The following FBN1 variants were observed in gnomAD, a reference collection of about 807,000 sequenced individuals.
The protein encoded by FBN1 is fibrillin-1.
Under a neutral mutation model 365.1 loss-of-function variants are expected in FBN1, and 29 were observed. That is an observed-to-expected ratio of 0.08 (90% CI 0.06 to 0.11). FBN1 has a LOEUF of 0.11. Ranked by LOEUF, FBN1 falls within the 10% of genes least tolerant of loss-of-function variation. FBN1 has a pLI of 1.00. For synonymous variants in FBN1, 1,210 were observed against 1,270.5 expected (o/e 0.95, Z 1.01); for missense variants, 2,476 against 3,703.2 (o/e 0.67, Z 8.60).
At chr15:48,439,209 T>C (rs2043094669) in intron 50 of FBN1, among the ~76,000 whole-genome samples, 1 of 152,210 alleles carries the variant, frequency 6.6e-6, no homozygotes, top group African/African-American at 2.4e-5. Context: ...GTTATGTAAA[T>C]CAAATTCAGG....
At chr15:48,598,186 C>T (rs1196247556) in intron 5 of FBN1, among the ~76,000 whole-genome samples, 1 of 152,206 alleles carries the variant, frequency 6.6e-6, no homozygotes, top group East Asian at 1.9e-4. Context: ...TGGAGTCAGA[C>T]TGCTTGGGTT....
At chr15:48,554,707 A>C (rs2044166593) in intron 6 of FBN1, among the ~76,000 whole-genome samples, 1 of 152,206 alleles carries the variant, frequency 6.6e-6, no homozygotes. Context: ...CATATAGTGA[A>C]TTGAAAAAGT....
chr15:48,547,052 A>C (rs1325962119), intron 6 of FBN1, among the ~76,000 whole-genome samples: 1 of 152,150 alleles, frequency 6.6e-6, no homozygotes, highest in Non-Finnish European at 1.5e-5. Context: ...TCCCTAAATA[A>C]AATCATATTA....
chr15:48,613,098 AC>A lies in FBN1; in HGVS notation c.165-7del. The A allele has an allele frequency of 6.2e-7, 1 of 1,604,872 alleles. No homozygotes were observed. Among genetic ancestry groups the A allele is most frequent in the Non-Finnish European group, 8.5e-7 (1 of 1,171,916 alleles). On this transcript the variant is annotated splice_polypyrimidine_tract_variant and splice_region_variant and intron_variant, in intron 2 of 65. Coordinates refer to ENST00000316623, the MANE Select transcript of FBN1 (RefSeq NM_000138.5). ...GTGATCCACAGACATTGGGTCTAAA[AC>A]AAAAACAGAAGAATTCCATACTTTA...
intron 23 of FBN1, among the ~76,000 whole-genome samples, chr15:48,493,422 C>T (rs937660887): frequency 2.0e-5 from 3 of 152,148 alleles, no homozygotes; most frequent in African/African-American, 7.2e-5. Flanking sequence ...TATTCTGAAT[C>T]TTTCCTTGTA....
At chr15:48,573,156 A>C (rs1454445716) in intron 6 of FBN1, among the ~76,000 whole-genome samples, 1 of 152,168 alleles carries the variant, frequency 6.6e-6, no homozygotes, top group African/African-American at 2.4e-5. Context: ...CTAAGAAAGA[A>C]ATCTTTCTTT....
chr15:48,485,240 G>C (rs2043495136), intron 30 of FBN1, 134 bp downstream of exon 30: 2 of 1,131,848 alleles, frequency 1.8e-6, no homozygotes, highest in Non-Finnish European at 2.6e-6. Flanking sequence ...TAGGTATCTT[G>C]ATTAAGGATA....
intron 6 of FBN1, among the ~76,000 whole-genome samples, chr15:48,577,498 T>C (rs963682145): frequency 6.6e-6 from 1 of 152,142 alleles, no homozygotes; most frequent in African/African-American, 2.4e-5. Flanking sequence ...CATTCAAACA[T>C]CTACCACCAC....
In FBN1 at chr15:48,495,604, G is replaced by T; in HGVS notation, c.2420-16C>A. 1.2e-6 allele frequency: 2 copies of T among 1,613,988 alleles called. No homozygotes were observed. The highest frequency in any genetic ancestry group is 1.7e-6 in the Non-Finnish European group (2 of 1,179,970). On this transcript the variant is annotated splice_polypyrimidine_tract_variant and intron_variant, in intron 20 of 65. Transcript: ENST00000316623. ...TCATCAATGTCTGAAACAAAAACAG[G>T]TCTACATTACTGCTAAAATCTAGTC... is the stretch of plus-strand genomic sequence containing the variant.
chr15:48,598,171 G>C (rs2044530300), intron 5 of FBN1, among the ~76,000 whole-genome samples: 1 of 152,160 alleles, frequency 6.6e-6, no homozygotes, highest in African/African-American at 2.4e-5. Context: ...TAAACACATG[G>C]GCTATGGAGT....
intron 54 of FBN1, 25 bp downstream of exon 54, chr15:48,434,569 A>G (rs2043049686): frequency 6.2e-7 from 1 of 1,613,346 alleles, no homozygotes; most frequent in African/African-American, 1.3e-5. Context: ...CACGTAATCA[A>G]CTGTTCTCTG....
chr15:48,452,529 G>A lies in FBN1; in HGVS notation c.5545+33C>T, dbSNP rs189437505. On this transcript the variant is annotated intron_variant, in intron 45 of 65. Coordinates refer to ENST00000316623, the MANE Select transcript of FBN1 (RefSeq NM_000138.5). ...AAGCTTCATGAAGACAAACTCTTGG[G>A]TAGGCATGTCCAGCCTGTGGGGCAC... The A allele has an allele frequency of 4.4e-4, 705 of 1,613,126 alleles. 3 individuals are homozygous for A. Among genetic ancestry groups the A allele is most frequent in the Middle Eastern group, 3.8e-3 (23 of 6,054 alleles).
chr15:48,474,108 T>A, intron 34 of FBN1, 147 bp downstream of exon 34: 1 of 1,195,410 alleles, frequency 8.4e-7, no homozygotes, highest in Non-Finnish European at 1.2e-6. Context: ...GTTCCAATTT[T>A]TTTTTTCCCA....
chr15:48,496,011 A>C, intron 20 of FBN1, 89 bp downstream of exon 20: 1 of 1,525,926 alleles, frequency 6.6e-7, no homozygotes, highest in Admixed American at 1.7e-5. Context: ...TGTCTAAAAT[A>C]CAGGAGACTC....
At position 48,425,981 on chromosome 15, in the gene FBN1, A is replaced by G. The variant is rs556123414; in HGVS notation, c.7205-117T>C. The stretch of plus-strand genomic sequence containing the variant: ...TGTGTTACTATATTTTGGGCCTAAG[A>G]AATTAAACCAGTAAGATGACAGCAT... On this transcript the variant is annotated intron_variant, in intron 58 of 65. Transcript: ENST00000316623. The G allele has an allele frequency of 1.8e-5, 14 of 784,026 alleles. No individual in the cohort carries two copies. In the East Asian group the frequency reaches 3.3e-4, roughly 18 times the overall value. 48.6% of individuals were successfully genotyped at this position (784,026 alleles called of 1,614,324 possible).
chr15:48,462,351 CTT>C lies in FBN1; in HGVS notation c.5224+729_5224+730del, dbSNP rs5812454. Among the ~76,000 whole-genome samples the C allele has an allele frequency of 4.7e-3, 706 of 151,242 alleles. 6 individuals are homozygous for C. Among genetic ancestry groups the C allele is most frequent in the Non-Finnish European group, 7.2e-3 (491 of 67,782 alleles). On this transcript the variant is annotated intron_variant, in intron 42 of 65. Transcript: ENST00000316623. ...ATTTATTCAAAGGATGCAATTTAGC[CTT>C]TTTTTTTTAAGACAAATAACATTAT... is the stretch of plus-strand genomic sequence containing the variant.
At chr15:48,516,071 A>T in intron 11 of FBN1, 112 bp downstream of exon 11, 1 of 1,091,654 alleles carries the variant, frequency 9.2e-7, no homozygotes, top group Non-Finnish European at 1.4e-6. Flanking sequence ...ACCAAAAATT[A>T]ATATAACAAT....
chr15:48,456,839 C>CGTGTGTGT (rs766292110), intron 43 of FBN1, 77 bp from the exon 44 acceptor site: 5 of 999,524 alleles, frequency 5.0e-6, no homozygotes, highest in African/African-American at 3.5e-5. Context: ...ATGGAAAGTG[C>CGTGTGTGT]GTGCGTGTGT....
intron 9 of FBN1, 28 bp from the exon 10 acceptor site, chr15:48,520,845 CA>C: frequency 6.2e-7 from 1 of 1,613,944 alleles, no homozygotes; most frequent in Non-Finnish European, 8.5e-7. Flanking sequence ...CATACACACA[CA>C]CACATCGCTG....
Sources: gnomAD v4.1 joint callset for allele counts (sites outside exome capture counted in the v4.1 genomes callset) on GRCh38, gnomAD v4.1.1 for gene constraint, MANE v1.5 for transcripts, NCBI Gene and HGNC (gene_info 2026-07-23, HGNC 2026-07-21) for gene names.